QPCT: variants seen among roughly 807,000 people sequenced by gnomAD.
The protein encoded by QPCT is glutaminyl-peptide cyclotransferase, also known as EC.
QPCT carries 44 observed loss-of-function variants against 43.4 expected under a neutral mutation model. The ratio of observed to expected loss-of-function variants is 1.01; its 90% CI spans 0.80 to 1.30. QPCT has a LOEUF of 1.30. Ranked by LOEUF, QPCT falls within the 50% of genes most tolerant of loss-of-function variation. The probability of loss-of-function intolerance (pLI) is 0.00; values close to 1 mark genes in which losing one functional copy is unlikely to be tolerated. For missense variants in QPCT, 526 were observed against 436.5 expected (o/e 1.21, Z -1.83); for synonymous variants, 168 against 168.4 (o/e 1.00, Z 0.02).
intron 4 of QPCT, 33 bp from the exon 5 acceptor site, chr2:37,369,652 G>C: frequency 6.8e-7 from 1 of 1,462,076 alleles, no homozygotes; most frequent in Non-Finnish European, 9.6e-7. Context: ...ACGTTTTGGT[G>C]ATGGTGATTA....
chr2:37,357,819 C>T (rs945861559), intron 2 of QPCT, among the ~76,000 whole-genome samples: 3 of 151,964 alleles, frequency 2.0e-5, no homozygotes, highest in Middle Eastern at 3.4e-3. Flanking sequence ...CGTGTCATGT[C>T]GCATTAGTGA....
chr2:37,347,153 T>TATATAATATATATATATATATATATC (rs1672507019), intron 1 of QPCT, among the ~76,000 whole-genome samples: 2 of 57,108 alleles, frequency 3.5e-5, no homozygotes, highest in African/African-American at 1.8e-4. Flanking sequence ...TTTATATATA[T>TATATAATATATATATATATATATATC]ATATATATAT....
chr2:37,351,012 C>A (rs111387615), intron 1 of QPCT, among the ~76,000 whole-genome samples: 1 of 152,262 alleles, frequency 6.6e-6, no homozygotes, highest in African/African-American at 2.4e-5. Context: ...TCTGTCTGAT[C>A]CTATAGCCCA....
chr2:37,372,588 T>G (rs1211495508), intron 6 of QPCT, 94 bp from the exon 7 acceptor site: 5 of 1,487,900 alleles, frequency 3.4e-6, no homozygotes, highest in Non-Finnish European at 4.7e-6. Flanking sequence ...GCTGTCTTTA[T>G]GTGGTACAGA....
Position 37,367,365 on chromosome 2 carries a change from C to G in QPCT, c.680C>G (p.Pro227Arg). ...RHLAAKMAST[P>R]HPPGARGTSQ... ...TTAGCTGCAAAGATGGCATCGACCC[C>G]GCACCCACCTGGAGCGAGAGGCACC... Residue 227 changes from proline (P) to arginine (R), a missense_variant, in exon 4 of 7, where the codon CCG (proline) becomes CGG (arginine). Physicochemically the swap from Pro to Arg is moderately radical, Grantham distance 103. Transcript: ENST00000338415. 1 of 1,613,940 alleles carries G rather than the reference C, an allele frequency of 6.2e-7. No individual in the cohort carries two copies. Among genetic ancestry groups the G allele is most frequent in the Non-Finnish European group, 8.5e-7 (1 of 1,179,906 alleles).
chr2:37,371,545 T>C (rs370556859), intron 5 of QPCT, among the ~76,000 whole-genome samples: 16 of 152,142 alleles, frequency 1.1e-4, no homozygotes, highest in African/African-American at 3.9e-4. Flanking sequence ...TCTCAATGTT[T>C]CTAGAATCAT....
Position 37,344,823 on chromosome 2 carries a change from C to G in QPCT, c.92C>G (p.Pro31Arg). The change falls in exon 1 of 7, where the codon CCG (proline) becomes CGG (arginine). Residue 31 changes from proline to arginine, a missense_variant. Pro to Arg is a moderately radical substitution (Grantham distance 103, BLOSUM62 -2). Coordinates refer to ENST00000338415, the MANE Select transcript of QPCT (RefSeq NM_012413.4). ...CCCTGGGCATCCAGGGGGGTCAGTC[C>G]GAGTGCCTCAGCCTGGCCAGAGGAG... ...ALPWASRGVS[P>R]SASAWPEEKN... 6.2e-7 allele frequency: 1 copy of G among 1,606,120 alleles called. No individual in the cohort carries two copies. Among genetic ancestry groups the G allele is most frequent in the Non-Finnish European group, 8.5e-7 (1 of 1,176,774 alleles).
intron 2 of QPCT, among the ~76,000 whole-genome samples, chr2:37,356,800 G>A (rs1482495286): frequency 6.6e-6 from 1 of 152,162 alleles, no homozygotes; most frequent in Non-Finnish European, 1.5e-5. Context: ...AAGGTCAGGA[G>A]ATCGAGACCA....
At chr2:37,355,039 G>C (rs930295137) in intron 2 of QPCT, among the ~76,000 whole-genome samples, 54 of 152,154 alleles carry the variant, frequency 3.5e-4, no homozygotes, top group Non-Finnish European at 1.6e-4. Flanking sequence ...TCATTTAAAA[G>C]TGTTACTGAA....
chr2:37,367,681 G>A (rs1006977126), intron 4 of QPCT, among the ~76,000 whole-genome samples: 8 of 152,064 alleles, frequency 5.3e-5, no homozygotes, highest in Non-Finnish European at 8.8e-5. Context: ...AGACCAGACT[G>A]GGCAACATAA....
At chr2:37,367,434 C>T in intron 4 of QPCT, 26 bp downstream of exon 4, 1 of 1,594,708 alleles carries the variant, frequency 6.3e-7, no homozygotes, top group Non-Finnish European at 8.5e-7. Context: ...TTCCCTAGCA[C>T]TGTAGCTGTA....
At chr2:37,359,348 G>A (rs1004010230) in intron 2 of QPCT, among the ~76,000 whole-genome samples, 2 of 152,182 alleles carry the variant, frequency 1.3e-5, no homozygotes, top group Non-Finnish European at 2.9e-5. Context: ...GATTAGTAAG[G>A]GGAAGTTTAA....
intron 5 of QPCT, among the ~76,000 whole-genome samples, chr2:37,371,431 CAAAAA>C (rs3050580): frequency 1.4e-5 from 1 of 69,382 alleles, no homozygotes; most frequent in Non-Finnish European, 2.9e-5. Flanking sequence ...GACTCCATCT[CAAAAA>C]AAAAAAAAAA....
intron 4 of QPCT, chr2:37,368,311 T>TCCCCCC: frequency 8.1e-6 from 1 of 123,982 alleles, no homozygotes. Context: ...CCATCCCTAA[T>TCCCCCC]CCCTCCCCCG....
At chr2:37,344,985 C>A (rs1672450492) in intron 1 of QPCT, 134 bp downstream of exon 1, 2 of 1,312,022 alleles carry the variant, frequency 1.5e-6, no homozygotes, top group African/African-American at 1.6e-5. Context: ...CACCGGCGCC[C>A]CACCCGGCGC....
At chr2:37,371,107 T>G (rs551957635) in intron 5 of QPCT, among the ~76,000 whole-genome samples, 1 of 152,278 alleles carries the variant, frequency 6.6e-6, no homozygotes, top group Non-Finnish European at 1.5e-5. Context: ...TTGACAAATT[T>G]CATTTCCTAG....
At chr2:37,349,203 G>A (rs1672569375) in intron 1 of QPCT, among the ~76,000 whole-genome samples, 3 of 152,202 alleles carry the variant, frequency 2.0e-5, no homozygotes, top group Admixed American at 6.5e-5. Flanking sequence ...TGCCCCCAGA[G>A]GGGCAAGGAG....
intron 3 of QPCT, 80 bp from the exon 4 acceptor site, chr2:37,367,152 T>C (rs1672979504): frequency 7.0e-7 from 1 of 1,427,500 alleles, no homozygotes; most frequent in African/African-American, 1.4e-5. Flanking sequence ...ATCTATCTTT[T>C]TGCCCAATTA....
intron 3 of QPCT, chr2:37,360,200 T>C (rs1048968345): frequency 3.8e-6 from 1 of 266,134 alleles, no homozygotes; most frequent in Non-Finnish European, 7.2e-6. Context: ...TTATTTCTTC[T>C]TCTTTCTATG....
Sources: gnomAD v4.1 joint callset for allele counts (sites outside exome capture counted in the v4.1 genomes callset) on GRCh38, gnomAD v4.1.1 for gene constraint, MANE v1.5 for transcripts, NCBI Gene and HGNC (gene_info 2026-07-23, HGNC 2026-07-21) for gene names.